DRC7: variants seen among roughly 807,000 people sequenced by gnomAD.
The protein encoded by DRC7 is dynein regulatory complex subunit 7.
A neutral mutation model predicts 104.4 loss-of-function variants in DRC7; 80 were observed. The ratio of observed to expected loss-of-function variants is 0.77; its 90% CI spans 0.64 to 0.92. The LOEUF (loss-of-function observed/expected upper bound fraction) is 0.92. Ranked by LOEUF, DRC7 falls within the 40% of genes least tolerant of loss-of-function variation. The probability of loss-of-function intolerance (pLI) is 0.00; values close to 1 mark genes in which losing one functional copy is unlikely to be tolerated. For synonymous variants in DRC7, 405 were observed against 447.3 expected (o/e 0.91, Z 1.19); for missense variants, 1,034 against 1,141.1 (o/e 0.91, Z 1.35).
At chr16:57,721,851 T>C (rs1394943047) in intron 10 of DRC7, 112 bp downstream of exon 10, 3 of 727,268 alleles carry the variant, frequency 4.1e-6, no homozygotes, top group Middle Eastern at 2.6e-4. Flanking sequence ...ATGCCCCACA[T>C]TTCCACCCTT....
chr16:57,705,705 A>T (rs2048709934), intron 7 of DRC7, among the ~76,000 whole-genome samples: 1 of 102,868 alleles, frequency 9.7e-6, no homozygotes, highest in Non-Finnish European at 2.0e-5. Flanking sequence ...TTATCCTCCC[A>T]TCCATCATCC....
chr16:57,698,166 G>A lies in DRC7; in HGVS notation c.203+14G>A, dbSNP rs1176350505. The stretch of plus-strand genomic sequence containing the variant: ...AGCGGAGCTCCCGTGAGTGTGGCAG[G>A]GTGGGGGCCCTGGCAAGGGTAGACC... On this transcript the variant is annotated intron_variant, in intron 3 of 18. Coordinates refer to ENST00000360716, the MANE Select transcript of DRC7 (RefSeq NM_001289162.2). 2.5e-6 allele frequency: 4 copies of A among 1,613,698 alleles called. No individual in the cohort carries two copies. Among genetic ancestry groups the A allele is most frequent in the African/African-American group, 2.7e-5 (2 of 74,928 alleles).
At chr16:57,704,791 G>A in intron 6 of DRC7, 85 bp from the exon 7 acceptor site, 2 of 1,511,962 alleles carry the variant, frequency 1.3e-6, no homozygotes, top group Non-Finnish European at 1.8e-6. Context: ...CTGAGGGACT[G>A]GCTGGGCGGG....
intron 5 of DRC7, chr16:57,701,682 A>G: frequency 2.1e-6 from 1 of 469,738 alleles, no homozygotes; most frequent in Non-Finnish European, 3.8e-6. Context: ...ACACTCCTAC[A>G]GTCCAGAAGG....
At chr16:57,706,594 C>A (rs2048732779) in intron 7 of DRC7, among the ~76,000 whole-genome samples, 1 of 128,610 alleles carries the variant, frequency 7.8e-6, no homozygotes, top group South Asian at 3.0e-4. Context: ...ATCCTCCCAT[C>A]CGTCCATCCT....
At chr16:57,712,999 T>C (rs1293636141) in intron 8 of DRC7, among the ~76,000 whole-genome samples, 6 of 152,254 alleles carry the variant, frequency 3.9e-5, no homozygotes, top group African/African-American at 9.6e-5. Flanking sequence ...TGTGTTTAGT[T>C]TACAGATATT....
intron 8 of DRC7, chr16:57,714,421 G>A: frequency 6.3e-6 from 1 of 159,412 alleles, no homozygotes; most frequent in Non-Finnish European, 1.4e-5. Context: ...AGGAGTTTGA[G>A]ACAAGCCTGG....
At chr16:57,701,627 T>G in intron 5 of DRC7, 2 of 262,254 alleles carry the variant, frequency 7.6e-6, no homozygotes, top group East Asian at 7.9e-5. Context: ...AGGGGGAGCA[T>G]TGGAGCAAAA....
At chr16:57,703,707 C>A (rs545399209) in intron 6 of DRC7, among the ~76,000 whole-genome samples, 64 of 152,264 alleles carry the variant, frequency 4.2e-4, no homozygotes, top group African/African-American at 1.5e-3. Context: ...TTTTGGGAGG[C>A]TGTAATCTCA....
In DRC7 at chr16:57,721,664, C is replaced by A. The variant is rs2048904105; in HGVS notation, c.1207-3C>A. 6.2e-7 allele frequency: 1 copy of A among 1,611,984 alleles called. No homozygotes were observed. The highest frequency in any genetic ancestry group is 8.5e-7 in the Non-Finnish European group (1 of 1,178,478). The stretch of plus-strand genomic sequence containing the variant: ...CCTCCCCCACCCCCTTCTCTCCCAT[C>A]AGGGCAAGGAGGATGAGGATAAGAG... On this transcript the variant is annotated splice_region_variant and splice_polypyrimidine_tract_variant and intron_variant, in intron 9 of 18. Transcript: ENST00000360716.
At chr16:57,711,190 A>G (rs1363989094) in intron 8 of DRC7, among the ~76,000 whole-genome samples, 2 of 152,242 alleles carry the variant, frequency 1.3e-5, no homozygotes, top group African/African-American at 2.4e-5. Context: ...TGGTGTTTGT[A>G]TCTTTCAAGA....
chr16:57,704,376 T>TACACAAAC (rs113239718), intron 6 of DRC7, among the ~76,000 whole-genome samples: 9 of 148,994 alleles, frequency 6.0e-5, no homozygotes, highest in African/African-American at 1.7e-4. Flanking sequence ...CACGCAAGCG[T>TACACAAAC]ACACACACAC....
Position 57,729,802 on chromosome 16 carries a change from A to ATGAG in DRC7, c.2392-1123_2392-1120dup, listed in dbSNP as rs372241701. ...GGTGGGTGGATGGGTGGATGGATGG[A>ATGAG]TGAGTGAGTAGGTGGGTGGATGGAC... On this transcript the variant is annotated intron_variant, in intron 17 of 18. Transcript: ENST00000360716. Among the ~76,000 whole-genome samples the ATGAG allele has an allele frequency of 7.5e-4, 80 of 106,446 alleles. 1 individual carries two copies. In the South Asian group the frequency reaches 0.012, roughly 16 times the overall value. The allele number at this position is 106,446 out of a possible 152,430, so 69.8% of individuals were successfully genotyped here.
chr16:57,722,725 G>C lies in DRC7; in HGVS notation c.1292G>C (p.Arg431Pro), dbSNP rs752663613. 1 of 1,613,652 alleles carries C rather than the reference G, an allele frequency of 6.2e-7. No individual in the cohort carries two copies. The highest frequency in any genetic ancestry group is 1.7e-5 in the Admixed American group (1 of 60,020). ...ACTGTGTCCACAGCATTTGAGACCC[G>C]CTGCCCGAACGGGAAGAAGGTGATT... ...IEISPEAFET[R>P]CPNGKKVIQY... Residue 431 changes from arginine to proline, a missense_variant, in exon 11 of 19, where the codon CGC becomes CCC. Arg to Pro is a moderately radical substitution (Grantham distance 103, BLOSUM62 -2). Coordinates refer to ENST00000360716, the MANE Select transcript of DRC7 (RefSeq NM_001289162.2).
At chr16:57,728,681 AG>A in intron 17 of DRC7, 97 bp downstream of exon 17, 1 of 1,022,826 alleles carries the variant, frequency 9.8e-7, no homozygotes. Context: ...CAGGCTTGTG[AG>A]GGCCTGATGA....
In DRC7 at chr16:57,697,995, C is replaced by T. The variant is rs377175799; in HGVS notation, c.46C>T (p.Arg16Trp). ...EKVEEEEEAEREEAAEWAEWA... is the reference protein window; with the variant it reads ...EKVEEEEEAEWEEAAEWAEWA... ...GGTGGAGGAGGAGGAGGAGGCCGAG[C>T]GGGAGGAGGCGGCCGAGTGGGCTGA... Residue 16 changes from arginine to tryptophan, a missense_variant, in exon 3 of 19, where the codon CGG becomes TGG. Physicochemically the swap from Arg to Trp is moderately radical, Grantham distance 101. Coordinates refer to ENST00000360716, the MANE Select transcript of DRC7 (RefSeq NM_001289162.2). 4.5e-5 allele frequency: 73 copies of T among 1,613,284 alleles called. 1 individual carries two copies. Among genetic ancestry groups the T allele is most frequent in the Admixed American group, 3.2e-4 (19 of 59,996 alleles).
chr16:57,729,175 T>C (rs2049014521), intron 17 of DRC7, among the ~76,000 whole-genome samples: 1 of 112,296 alleles, frequency 8.9e-6, no homozygotes, highest in Non-Finnish European at 1.7e-5. Flanking sequence ...GATGAGTGGG[T>C]GGGTAGATGG....
chr16:57,702,161 C>T, intron 6 of DRC7, 31 bp downstream of exon 6: 1 of 1,609,142 alleles, frequency 6.2e-7, no homozygotes, highest in African/African-American at 1.3e-5. Flanking sequence ...CCCGGGTTTC[C>T]CAAAGGATGA....
intron 6 of DRC7, among the ~76,000 whole-genome samples, chr16:57,704,406 C>T (rs1221417998): frequency 1.3e-5 from 2 of 149,564 alleles, no homozygotes; most frequent in African/African-American, 2.5e-5. Context: ...CACACACACA[C>T]GGTTTCTTCT....
Sources: allele counts gnomAD v4.1 joint callset (sites outside exome capture counted in the v4.1 genomes callset), GRCh38; gene constraint gnomAD v4.1.1; transcripts MANE v1.5; gene names NCBI Gene and HGNC (gene_info 2026-07-23, HGNC 2026-07-21).